ZPBP: variants seen among roughly 807,000 people sequenced by gnomAD.
ZPBP encodes the protein zona pellucida binding protein.
ZPBP carries 26 observed loss-of-function variants against 44.8 expected under a neutral mutation model. The ratio of observed to expected loss-of-function variants is 0.58; its 90% CI spans 0.43 to 0.81. ZPBP has a LOEUF of 0.81. Ranked by LOEUF, ZPBP falls within the 30% of genes least tolerant of loss-of-function variation. ZPBP has a pLI of 0.00. For missense variants in ZPBP, 409 were observed against 434.0 expected, an observed-to-expected ratio of 0.94 and a Z score of 0.51; for synonymous variants, 174 against 153.2, an observed-to-expected ratio of 1.14 and a Z score of -1.00.
intron 1 of ZPBP, among the ~76,000 whole-genome samples, chr7:49,904,978 C>T (rs185164456): frequency 5.3e-5 from 8 of 152,218 alleles, no homozygotes; most frequent in Non-Finnish European, 1.0e-4. Context: ...TCATAATCTA[C>T]CCACCTCAGC....
chr7:50,020,005 G>T (rs184839492), intron 5 of ZPBP, among the ~76,000 whole-genome samples: 2 of 150,320 alleles, frequency 1.3e-5, no homozygotes, highest in Admixed American at 6.6e-5. Context: ...CTGAGATCAC[G>T]CCACTGCACT....
chr7:49,941,599 T>C (rs559903540), intron 7 of ZPBP, among the ~76,000 whole-genome samples: 1 of 152,194 alleles, frequency 6.6e-6, no homozygotes, highest in Non-Finnish European at 1.5e-5. Flanking sequence ...TGGAATAATG[T>C]ATACTATAAA....
intron 7 of ZPBP, among the ~76,000 whole-genome samples, chr7:49,979,856 ATAAT>A (rs1796704501): frequency 5.5e-4 from 3 of 5,466 alleles, no homozygotes; most frequent in African/African-American, 2.4e-3. Context: ...TAAAATATAT[ATAAT>A]ATAATATAAT....
chr7:50,085,353 TG>T (rs1802584461), intron 2 of ZPBP, among the ~76,000 whole-genome samples: 1 of 152,148 alleles, frequency 6.6e-6, no homozygotes, highest in Admixed American at 6.5e-5. Flanking sequence ...ACCCTGTCTG[TG>T]GTTCTTTTGT....
intron 2 of ZPBP, among the ~76,000 whole-genome samples, chr7:49,888,578 CT>C (rs1358303135): frequency 1.3e-5 from 2 of 152,150 alleles, no homozygotes; most frequent in African/African-American, 4.8e-5. Context: ...CTCAGGCAGC[CT>C]GCATCCCAGC....
chr7:49,933,643 G>C (rs185827888), downstream of ZPBP, among the ~76,000 whole-genome samples: 532 of 152,196 alleles, frequency 3.5e-3, 1 homozygote, highest in Middle Eastern at 0.01. Context: ...CAAAGACTTG[G>C]AACCAACCCA....
rs543801032 is a variant in ZPBP, at chr7:50,062,717, T to C, written c.335-4576A>G. Among the ~76,000 whole-genome samples, 6 of 152,266 alleles carry C rather than the reference T, an allele frequency of 3.9e-5. No homozygotes were observed. In the South Asian group the frequency reaches 1.0e-3, roughly 26 times the overall value. On this transcript the variant is annotated intron_variant, in intron 3 of 7. Transcript: ENST00000046087. ...CTCCTGGAGAAAGGGCAAAGCAAGA[T>C]GGCTGAATAGAAGGCTCTACTGATC...
chr7:49,967,606 G>T (rs1298110973), intron 7 of ZPBP, among the ~76,000 whole-genome samples: 1 of 152,112 alleles, frequency 6.6e-6, no homozygotes, highest in African/African-American at 2.4e-5. Context: ...AAGGGCAATG[G>T]TGTGATCTTG....
intron 4 of ZPBP, among the ~76,000 whole-genome samples, chr7:50,040,753 C>T (rs1023704670): frequency 2.6e-5 from 4 of 152,274 alleles, no homozygotes; most frequent in Non-Finnish European, 5.9e-5. Flanking sequence ...ACCGAGTGAG[C>T]TGCAGGAGTT....
chr7:49,865,813 C>T (rs1414832108), intron 2 of ZPBP, among the ~76,000 whole-genome samples: 2 of 152,154 alleles, frequency 1.3e-5, no homozygotes, highest in African/African-American at 4.8e-5. Flanking sequence ...TATCCCAGCA[C>T]CCAGAATGCT....
intron 6 of ZPBP, among the ~76,000 whole-genome samples, chr7:50,012,982 T>G (rs964290537): frequency 6.6e-6 from 1 of 151,810 alleles, no homozygotes; most frequent in Non-Finnish European, 1.5e-5. Flanking sequence ...TGCTGAAAAT[T>G]GAAACAACTA....
In ZPBP at chr7:50,049,939, A is replaced by G. The variant is rs117518180; in HGVS notation, c.487+8050T>C. Among the ~76,000 whole-genome samples, 957 of 152,164 alleles carry G rather than the reference A, an allele frequency of 6.3e-3. 2 individuals carry two copies. The highest frequency in any genetic ancestry group is 0.027 in the Middle Eastern group (8 of 294). ...AATCTAGTATTGTTACATGACTTTGACAAGGTGGCAGGATACAAAATCAAC... is the reference window on the plus strand; with the variant it reads ...AATCTAGTATTGTTACATGACTTTGGCAAGGTGGCAGGATACAAAATCAAC... On this transcript the variant is annotated intron_variant, in intron 4 of 7. Transcript: ENST00000046087.
chr7:49,928,492 T>A (rs143464449), intron 1 of ZPBP, among the ~76,000 whole-genome samples: 1 of 152,130 alleles, frequency 6.6e-6, no homozygotes, highest in Non-Finnish European at 1.5e-5. Context: ...TCTTCCCCAC[T>A]CTCCTTCAGG....
intron 4 of ZPBP, among the ~76,000 whole-genome samples, chr7:50,034,292 T>C (rs117487871): frequency 0.012 from 1,871 of 152,166 alleles, 21 homozygotes; most frequent in South Asian, 0.062. Context: ...CTCACTCATC[T>C]GACTTGAAAT....
At chr7:49,998,386 G>A (rs1421072215) in intron 6 of ZPBP, among the ~76,000 whole-genome samples, 2 of 152,216 alleles carry the variant, frequency 1.3e-5, no homozygotes, top group African/African-American at 4.8e-5. Flanking sequence ...CCATTTATGT[G>A]ATACTTGAGC....
intron 3 of ZPBP, among the ~76,000 whole-genome samples, chr7:50,068,212 G>A (rs893882978): frequency 2.0e-5 from 3 of 152,034 alleles, no homozygotes; most frequent in South Asian, 4.2e-4. Context: ...CTGCCCTTAG[G>A]GACTCTCTTA....
At chr7:49,991,543 TC>T (rs1183611523) in intron 6 of ZPBP, among the ~76,000 whole-genome samples, 2 of 152,086 alleles carry the variant, frequency 1.3e-5, no homozygotes, top group African/African-American at 4.8e-5. Context: ...ACAACTTCAA[TC>T]CTGAAGCAAA....
intron 7 of ZPBP, among the ~76,000 whole-genome samples, chr7:49,973,467 T>C (rs909168043): frequency 6.6e-6 from 1 of 152,024 alleles, no homozygotes; most frequent in Non-Finnish European, 1.5e-5. Flanking sequence ...ATGTCTAGAA[T>C]ATATAAAGAA....
At chr7:49,931,833 G>T (rs1318640775) in intron 1 of ZPBP, among the ~76,000 whole-genome samples, 3 of 152,202 alleles carry the variant, frequency 2.0e-5, no homozygotes, top group African/African-American at 7.2e-5. Flanking sequence ...GGTTTTGTGG[G>T]CAAGGCCTAG....
Sources: allele counts gnomAD v4.1 joint callset (sites outside exome capture counted in the v4.1 genomes callset), GRCh38; gene constraint gnomAD v4.1.1; transcripts MANE v1.5; gene names NCBI Gene and HGNC (gene_info 2026-07-23, HGNC 2026-07-21).